OR10A2: variants seen among roughly 807,000 people sequenced by gnomAD.
OR10A2 encodes olfactory receptor 10A2.
A neutral mutation model predicts 13.7 loss-of-function variants in OR10A2; 15 were observed. The observed-to-expected ratio is 1.10, with a 90% CI of 0.73 to 1.69. The LOEUF (loss-of-function observed/expected upper bound fraction) is 1.69, where lower values mean the gene tolerates loss of function less well. Ranked by LOEUF, OR10A2 falls within the 40% of genes most tolerant of loss-of-function variation. OR10A2 has a pLI of 0.00. For missense variants in OR10A2, 343 were observed against 361.1 expected, an observed-to-expected ratio of 0.95 and a Z score of 0.41; for synonymous variants, 145 against 144.7, an observed-to-expected ratio of 1.00 and a Z score of -0.02.
intron 1 of OR10A2, among the ~76,000 whole-genome samples, chr11:6,865,715 T>TAA (rs11456471): frequency 1.3e-5 from 2 of 151,992 alleles, no homozygotes; most frequent in Non-Finnish European, 2.9e-5. Flanking sequence ...TTAGCAGATT[T>TAA]AAAAAAATCA....
chr11:6,869,939 T>C lies in OR10A2; in HGVS notation c.185T>C (p.Leu62Pro). Reference sequence around the variant, plus strand: ...TCTTTCCTGGAGATTGGCTTCAACCTAGTCATTGTGCCCAAAATGCTGGGG... The same window carrying C: ...TCTTTCCTGGAGATTGGCTTCAACCCAGTCATTGTGCCCAAAATGCTGGGG... The part of the protein sequence containing the change: ...NLSFLEIGFN[L>P]VIVPKMLGTL... Residue 62 changes from leucine (L) to proline (P), a missense_variant, in exon 2 of 2, where the codon CTA (leucine) becomes CCA (proline). Coordinates refer to ENST00000641461, the MANE Select transcript of OR10A2 (RefSeq NM_001004460.2). 2 of 1,614,148 alleles carry C rather than the reference T, an allele frequency of 1.2e-6. No homozygotes were observed. The highest frequency in any genetic ancestry group is 1.7e-6 in the Non-Finnish European group (2 of 1,179,970).
In OR10A2 at chr11:6,869,979, G is replaced by C. The variant is rs376808552; in HGVS notation, c.225G>C (p.Gln75His). The stretch of plus-strand genomic sequence containing the variant: ...AAATGCTGGGGACCCTGCTTGCCCA[G>C]GACACAACCATCTCCTTCCTTGGCT... ...VPKMLGTLLA[Q>H]DTTISFLGCA... Residue 75 changes from glutamine to histidine, a missense_variant, in exon 2 of 2, where the codon CAG (glutamine) becomes CAC (histidine). Coordinates refer to ENST00000641461, the MANE Select transcript of OR10A2 (RefSeq NM_001004460.2). The C allele has an allele frequency of 1.2e-6, 2 of 1,613,990 alleles. No individual in the cohort carries two copies. The highest frequency in any genetic ancestry group is 2.7e-5 in the African/African-American group (2 of 74,924).
At chr11:6,869,083 C>G (rs1163844781) in intron 1 of OR10A2, among the ~76,000 whole-genome samples, 2 of 152,138 alleles carry the variant, frequency 1.3e-5, no homozygotes, top group Non-Finnish European at 2.9e-5. Context: ...GGTTTGGATT[C>G]AAGATCTTCC....
In OR10A2 at chr11:6,871,372, C is replaced by T. The variant is rs1055591039; in HGVS notation, c.*706C>T. 6.6e-6 allele frequency: 1 copy of T among 151,260 alleles called. No homozygotes were observed. 9.4% of individuals were successfully genotyped at this position (151,260 alleles called of 1,614,324 possible). A position where few individuals can be genotyped will look rare whatever the true frequency, so the allele number is the denominator to read the frequency against. On this transcript the variant is annotated 3_prime_UTR_variant, in exon 2 of 2. Transcript: ENST00000641461. ...AAATCATCTTGTCACTTTTCCTCTT[C>T]TGGGCAGATCTGACTCTACATTCAT...
chr11:6,866,123 T>C (rs1359477554), intron 1 of OR10A2, among the ~76,000 whole-genome samples: 1 of 152,232 alleles, frequency 6.6e-6, no homozygotes, highest in African/African-American at 2.4e-5. Flanking sequence ...TATAAATGCA[T>C]CATAATTTGT....
chr11:6,865,414 T>C (rs1233256160), intron 1 of OR10A2, among the ~76,000 whole-genome samples: 2 of 151,870 alleles, frequency 1.3e-5, no homozygotes, highest in Non-Finnish European at 2.9e-5. Context: ...AAAAATGACT[T>C]TAAAGATTAC....
rs1006073500 is a variant in OR10A2, at chr11:6,872,229, T to A, written c.*1563T>A. On this transcript the variant is annotated 3_prime_UTR_variant, in exon 2 of 2. Transcript: ENST00000641461. ...AGCAATTGGTGATGTCTTGGTGTTT[T>A]ATTTTCTCTTCTTGAAAGGTTGTTT... 13 of 152,344 alleles carry A rather than the reference T, an allele frequency of 8.5e-5. No individual in the cohort carries two copies. Among genetic ancestry groups the A allele is most frequent in the Middle Eastern group, 3.4e-3 (1 of 294 alleles). 9.4% of individuals were successfully genotyped at this position (152,344 alleles called of 1,614,324 possible). A position where few individuals can be genotyped will look rare whatever the true frequency, so the allele number is the denominator to read the frequency against.
intron 1 of OR10A2, among the ~76,000 whole-genome samples, chr11:6,867,919 TC>T (rs981237658): frequency 6.6e-6 from 1 of 152,008 alleles, no homozygotes; most frequent in African/African-American, 2.4e-5. Context: ...CTGGATATTT[TC>T]TCCATTTTTT....
chr11:6,870,632 C>G lies in OR10A2; in HGVS notation c.878C>G (p.Ser293Cys), dbSNP rs1402508380. ...EVKNALSRTV[S>C]KALALRNCIP ...AAGAATGCCCTCAGCAGGACGGTCT[C>G]TAAGGCCCTAGCCCTCAGAAACTGT... The change falls in exon 2 of 2, where the codon TCT becomes TGT. Residue 293 changes from serine (S) to cysteine (C), a missense_variant. Coordinates refer to ENST00000641461, the MANE Select transcript of OR10A2 (RefSeq NM_001004460.2). The G allele has an allele frequency of 6.2e-7, 1 of 1,604,330 alleles. No individual in the cohort carries two copies. The highest frequency in any genetic ancestry group is 1.1e-5 in the South Asian group (1 of 88,970).
At position 6,872,817 on chromosome 11, in the gene OR10A2, C is replaced by CTT. The variant is rs754974386; in HGVS notation, c.*2167_*2168dup. The stretch of plus-strand genomic sequence containing the variant: ...TGTTTCTCTTTTCTTTTCTTTCTTT[C>CTT]TTTTTTTTTTTTTTTTTGAGACAAA... On this transcript the variant is annotated 3_prime_UTR_variant, in exon 2 of 2. Transcript: ENST00000641461. The CTT allele has an allele frequency of 9.2e-3, 1,251 of 136,398 alleles. 13 individuals are homozygous for CTT. The highest frequency in any genetic ancestry group is 0.012 in the Non-Finnish European group (806 of 65,020). The allele number at this position is 136,398 out of a possible 1,614,324, so 8.4% of individuals were successfully genotyped here.
In OR10A2 at chr11:6,870,782, C is replaced by A; in HGVS notation, c.*116C>A. 1 of 895,346 alleles carries A rather than the reference C, an allele frequency of 1.1e-6. No homozygotes were observed. The highest frequency in any genetic ancestry group is 1.7e-6 in the Non-Finnish European group (1 of 592,990). 55.5% of individuals were successfully genotyped at this position (895,346 alleles called of 1,614,324 possible). On this transcript the variant is annotated 3_prime_UTR_variant, in exon 2 of 2. Transcript: ENST00000641461. ...AGATGAAGTCCTGTTGCTGAAATGGCTTTTGGAAAGCTGAGTGGAGAGAAA... is the reference window on the plus strand; with the variant it reads ...AGATGAAGTCCTGTTGCTGAAATGGATTTTGGAAAGCTGAGTGGAGAGAAA...
rs944839292 is a variant in OR10A2 at position 6,867,741 on chromosome 11, T to C, written c.-132-1882T>C. On this transcript the variant is annotated intron_variant, in intron 1 of 1. Transcript: ENST00000641461. Reference sequence around the variant, plus strand: ...TGACAGTAAGAGAGTTTCTATTTTTTACTTTACTTTTTTTTTCTTTTTTGT... The same window carrying C: ...TGACAGTAAGAGAGTTTCTATTTTTCACTTTACTTTTTTTTTCTTTTTTGT... Among the ~76,000 whole-genome samples the C allele has an allele frequency of 3.9e-5, 6 of 152,086 alleles. No homozygotes were observed. In the South Asian group the frequency reaches 1.0e-3, roughly 26 times the overall value.
chr11:6,864,770 T>G (rs1188478844), intron 1 of OR10A2, among the ~76,000 whole-genome samples: 1 of 151,906 alleles, frequency 6.6e-6, no homozygotes, highest in Non-Finnish European at 1.5e-5. Flanking sequence ...GAAGGAGAGA[T>G]GGATGTGGGA....
chr11:6,864,510 G>T (rs976507360), intron 1 of OR10A2, among the ~76,000 whole-genome samples: 1 of 152,114 alleles, frequency 6.6e-6, no homozygotes, highest in African/African-American at 2.4e-5. Context: ...TTTAAAGAGT[G>T]ACATATATAT....
Position 6,872,267 on chromosome 11 carries a change from T to C in OR10A2, c.*1601T>C, listed in dbSNP as rs7114747. On this transcript the variant is annotated 3_prime_UTR_variant, in exon 2 of 2. Coordinates refer to ENST00000641461, the MANE Select transcript of OR10A2 (RefSeq NM_001004460.2). ...TGAAAGGTTGTTTTTCACTTTTATT[T>C]TAGCCAAATCTATCCCATCTCTCAA... 42,681 of 152,080 alleles carry C rather than the reference T, an allele frequency of 0.28. 6,248 individuals are homozygous for C. Among genetic ancestry groups the C allele is most frequent in the East Asian group, 0.42 (2,149 of 5,172 alleles). 9.4% of individuals were successfully genotyped at this position (152,080 alleles called of 1,614,324 possible).
In OR10A2 at chr11:6,874,496, T is replaced by A. The variant is rs1848466155; in HGVS notation, c.*3830T>A. The A allele has an allele frequency of 7.3e-6, 1 of 136,576 alleles. No individual in the cohort carries two copies. The highest frequency in any genetic ancestry group is 2.1e-4 in the East Asian group (1 of 4,684). 8.5% of individuals were successfully genotyped at this position (136,576 alleles called of 1,614,324 possible). On this transcript the variant is annotated 3_prime_UTR_variant, in exon 2 of 2. Transcript: ENST00000641461. ...CTTACTACCACCCTGTACTGGATACTGGCTTGTCCTCACCTGTGGGCTCAG... is the reference window on the plus strand; with the variant it reads ...CTTACTACCACCCTGTACTGGATACAGGCTTGTCCTCACCTGTGGGCTCAG...
Position 6,870,413 on chromosome 11 carries a change from G to A in OR10A2, c.659G>A (p.Gly220Glu), listed in dbSNP as rs368357397. ...AAILKIPSAK[G>E]KNKAFSTCSS... ...ATCCTCAAGATCCCATCAGCTAAAG[G>A]GAAGAATAAAGCCTTTTCTACATGT... The change falls in exon 2 of 2, where the codon GGG becomes GAG. Residue 220 changes from glycine to glutamate, a missense_variant. Gly to Glu is a moderately conservative substitution (Grantham distance 98). Coordinates refer to ENST00000641461, the MANE Select transcript of OR10A2 (RefSeq NM_001004460.2). 1.2e-6 allele frequency: 2 copies of A among 1,614,026 alleles called. No individual in the cohort carries two copies. The highest frequency in any genetic ancestry group is 1.7e-6 in the Non-Finnish European group (2 of 1,180,036).
Position 6,869,732 on chromosome 11 carries a change from C to T in OR10A2, c.-23C>T, listed in dbSNP as rs749172652. 1 of 1,599,116 alleles carries T rather than the reference C, an allele frequency of 6.3e-7. No homozygotes were observed. The highest frequency in any genetic ancestry group is 8.6e-7 in the Non-Finnish European group (1 of 1,168,038). ...ACACTTATAGCTACAGGAAACTGGA[C>T]AAGAATAAGTGAGTTTATCCTCATG... On this transcript the variant is annotated 5_prime_UTR_variant, in exon 2 of 2. Transcript: ENST00000641461.
rs149178905 is a variant in OR10A2 at position 6,870,600 on chromosome 11, C to T, written c.846C>T (p.Asn282=). 3.5e-4 allele frequency: 565 copies of T among 1,613,408 alleles called. 5 individuals are homozygous for T. In the African/African-American group the frequency reaches 6.4e-3, roughly 18 times the overall value. ...CCATTATCTACAGCCTGAGAAATAA[C>T]GAGGTGAAGAATGCCCTCAGCAGGA... is the stretch of plus-strand genomic sequence containing the variant. ...LNPIIYSLRN[N]EVKNALSRTV... is the part of the protein sequence containing the mutation. Residue 282 remains asparagine (N), a synonymous_variant, in exon 2 of 2, where the codon AAC becomes AAT. Transcript: ENST00000641461.
Sources: allele counts gnomAD v4.1 joint callset (sites outside exome capture counted in the v4.1 genomes callset), GRCh38; gene constraint gnomAD v4.1.1; transcripts MANE v1.5; gene names NCBI Gene and HGNC (gene_info 2026-07-23, HGNC 2026-07-21).